The following IMMP2L variants were observed in gnomAD, a reference collection of about 807,000 sequenced individuals.
The protein encoded by IMMP2L is inner mitochondrial membrane peptidase subunit 2.
A neutral mutation model predicts 19.3 loss-of-function variants in IMMP2L; 18 were observed. That is an observed-to-expected ratio of 0.93 (90% CI 0.64 to 1.38). The LOEUF is 1.38. Ranked by LOEUF, IMMP2L falls within the 40% of genes most tolerant of loss-of-function variation. The pLI, the probability that IMMP2L is intolerant of heterozygous loss-of-function variation, is 0.00. For missense variants in IMMP2L, 233 were observed against 218.2 expected (o/e 1.07, Z -0.43); for synonymous variants, 76 against 73.0 (o/e 1.04, Z -0.21).
chr7:110,911,105 T>C (rs1813012791), intron 4 of IMMP2L, among the ~76,000 whole-genome samples: 1 of 152,146 alleles, frequency 6.6e-6, no homozygotes, highest in Admixed American at 6.6e-5. Flanking sequence ...TTTGAATGCT[T>C]TTCTACTTTT....
At position 111,301,921 on chromosome 7, in the gene IMMP2L, T is replaced by TAAAA. The variant is rs59156229; in HGVS notation, c.239+185313_239+185316dup. 7.5e-3 allele frequency among the ~76,000 whole-genome samples: 626 copies of TAAAA among 83,116 alleles called. 7 individuals are homozygous for TAAAA. Among genetic ancestry groups the TAAAA allele is most frequent in the Non-Finnish European group, 9.4e-3 (442 of 46,844 alleles). The allele number at this position is 83,116 out of a possible 152,430, so 54.5% of individuals were successfully genotyped here. A position where few individuals can be genotyped will look rare whatever the true frequency, so the allele number is the denominator to read the frequency against. On this transcript the variant is annotated intron_variant, in intron 3 of 5. Transcript: ENST00000405709. ...ATTACGCCATGTCAGTTTCATGCTT[T>TAAAA]AAAAAAAAAAAAAAAAAAAAAAAAA... is the stretch of plus-strand genomic sequence containing the variant.
chr7:111,495,648 G>A (rs1379874531), intron 2 of IMMP2L, among the ~76,000 whole-genome samples: 1 of 152,146 alleles, frequency 6.6e-6, no homozygotes, highest in Non-Finnish European at 1.5e-5. Flanking sequence ...ATTAAGCACA[G>A]TCACAGTACA....
chr7:110,817,288 C>A (rs1034447410), intron 5 of IMMP2L, among the ~76,000 whole-genome samples: 27 of 151,854 alleles, frequency 1.8e-4, no homozygotes, highest in African/African-American at 4.6e-4. Context: ...ATCAATGTAC[C>A]AAAATCACGA....
At chr7:110,795,334 A>C (rs1303284906) in intron 5 of IMMP2L, among the ~76,000 whole-genome samples, 1 of 152,066 alleles carries the variant, frequency 6.6e-6, no homozygotes, top group Non-Finnish European at 1.5e-5. Flanking sequence ...GTGATGATTA[A>C]AAGTCTAAAG....
intron 3 of IMMP2L, among the ~76,000 whole-genome samples, chr7:111,198,470 T>A (rs1269302578): frequency 6.6e-6 from 1 of 151,902 alleles, no homozygotes; most frequent in Non-Finnish European, 1.5e-5. Flanking sequence ...GAACTCAAAG[T>A]TCCTACAACA....
intron 3 of IMMP2L, among the ~76,000 whole-genome samples, chr7:111,030,794 G>GTA (rs61126056): frequency 0.71 from 106,672 of 150,130 alleles, 38,593 homozygotes; most frequent in African/African-American, 0.81. Context: ...ATATATATGT[G>GTA]TATGTGTGTA....
intron 3 of IMMP2L, among the ~76,000 whole-genome samples, chr7:111,225,072 T>C (rs1374211587): frequency 6.6e-6 from 1 of 152,138 alleles, no homozygotes; most frequent in African/African-American, 2.4e-5. Context: ...GCCACTTTTT[T>C]CCACCAAACA....
intron 3 of IMMP2L, among the ~76,000 whole-genome samples, chr7:111,208,682 G>C (rs1810981168): frequency 6.6e-6 from 1 of 152,170 alleles, no homozygotes; most frequent in African/African-American, 2.4e-5. Flanking sequence ...AGGTAGTTTA[G>C]AGTACACACG....
Position 110,667,648 on chromosome 7 carries a change from C to A in IMMP2L, c.409-3927G>T, listed in dbSNP as rs188817034. Among the ~76,000 whole-genome samples, 134 of 152,238 alleles carry A rather than the reference C, an allele frequency of 8.8e-4. 3 individuals are homozygous for A. In the East Asian group the frequency reaches 0.02, roughly 23 times the overall value. On this transcript the variant is annotated intron_variant, in intron 5 of 5. Coordinates refer to ENST00000405709, the MANE Select transcript of IMMP2L (RefSeq NM_032549.4). ...GAGCCAAGGAATGCAGGCAGCCTCT[C>A]GAAGCCAGAGAAAGGAAGGAGATGA...
rs117003681 is a variant in IMMP2L, at chr7:110,674,291, A to G, written c.409-10570T>C. 6.1e-3 allele frequency among the ~76,000 whole-genome samples: 932 copies of G among 152,296 alleles called. 7 individuals carry two copies. Among genetic ancestry groups the G allele is most frequent in the Non-Finnish European group, 0.01 (699 of 68,024 alleles). On this transcript the variant is annotated intron_variant, in intron 5 of 5. Coordinates refer to ENST00000405709, the MANE Select transcript of IMMP2L (RefSeq NM_032549.4). ...TAGCATGAGGGAAACTGCCTCCATG[A>G]TTCAAATACCTCCCACCAGGTCCCT...
At chr7:111,081,297 A>G (rs1422080541) in intron 3 of IMMP2L, among the ~76,000 whole-genome samples, 1 of 152,266 alleles carries the variant, frequency 6.6e-6, no homozygotes, top group African/African-American at 2.4e-5. Context: ...AGGAAAAAAG[A>G]AAATGTAAAA....
chr7:110,911,256 T>C (rs1384115653), intron 4 of IMMP2L, among the ~76,000 whole-genome samples: 2 of 152,218 alleles, frequency 1.3e-5, no homozygotes, highest in Admixed American at 1.3e-4. Flanking sequence ...GAAGTTTACA[T>C]CTGAAAGACA....
At chr7:111,225,871 T>C (rs1272335275) in intron 3 of IMMP2L, among the ~76,000 whole-genome samples, 1 of 152,132 alleles carries the variant, frequency 6.6e-6, no homozygotes, top group African/African-American at 2.4e-5. Flanking sequence ...AGTGTTCTTA[T>C]GCCCTCAGGC....
At chr7:111,173,683 T>C (rs551662320) in intron 3 of IMMP2L, among the ~76,000 whole-genome samples, 1 of 151,746 alleles carries the variant, frequency 6.6e-6, no homozygotes, top group South Asian at 2.1e-4. Flanking sequence ...TTCCAATCCC[T>C]AGTAAAACAG....
chr7:111,053,190 A>G (rs1793157714), intron 3 of IMMP2L, among the ~76,000 whole-genome samples: 1 of 152,240 alleles, frequency 6.6e-6, no homozygotes. Context: ...GCAGCTTGAA[A>G]GATATGTGCA....
intron 3 of IMMP2L, among the ~76,000 whole-genome samples, chr7:111,221,738 A>C (rs1481633619): frequency 6.6e-6 from 1 of 152,020 alleles, no homozygotes; most frequent in African/African-American, 2.4e-5. Context: ...TTTTTCATAG[A>C]AGTTGATAGT....
chr7:111,146,223 G>T (rs1803454657), intron 3 of IMMP2L, among the ~76,000 whole-genome samples: 1 of 141,858 alleles, frequency 7.0e-6, no homozygotes, highest in African/African-American at 2.6e-5. Flanking sequence ...TTTTTTATGA[G>T]GAAGGAAAGA....
intron 5 of IMMP2L, among the ~76,000 whole-genome samples, chr7:110,677,588 A>T (rs1359276750): frequency 1.3e-5 from 2 of 152,190 alleles, no homozygotes; most frequent in Non-Finnish European, 2.9e-5. Context: ...ACTGACTGAT[A>T]TGCACTCAAA....
At chr7:110,828,925 AATGAGT>A (rs1435145313) in intron 5 of IMMP2L, among the ~76,000 whole-genome samples, 24 of 152,272 alleles carry the variant, frequency 1.6e-4, no homozygotes, top group Admixed American at 1.4e-3. Flanking sequence ...CCTCAACTAT[AATGAGT>A]ATAAGTTCTG....
Sources: allele counts gnomAD v4.1 joint callset (sites outside exome capture counted in the v4.1 genomes callset), GRCh38; gene constraint gnomAD v4.1.1; transcripts MANE v1.5; gene names NCBI Gene and HGNC (gene_info 2026-07-23, HGNC 2026-07-21).